Variants in MANEAL observed in about 807,000 individuals in gnomAD.
MANEAL encodes glycoprotein endo-alpha-1,2-mannosidase-like protein.
Under a neutral mutation model 35.9 loss-of-function variants are expected in MANEAL, and 28 were observed. That is an observed-to-expected ratio of 0.78 (90% CI 0.58 to 1.07). The LOEUF is 1.07. MANEAL is among the 50% of genes least tolerant of loss of function. MANEAL has a pLI of 0.00. For missense variants in MANEAL, 576 were observed against 629.6 expected (o/e 0.91, Z 0.91); for synonymous variants, 286 against 272.2 (o/e 1.05, Z -0.50).
chr1:37,798,949 GA>G (rs2148386740), intron 3 of MANEAL, among the ~76,000 whole-genome samples: 1 of 152,050 alleles, frequency 6.6e-6, no homozygotes, highest in East Asian at 1.9e-4. Context: ...TGAGGCAGGT[GA>G]ATCACTTGAA....
chr1:37,794,686 C>A lies in MANEAL; in HGVS notation c.504C>A (p.Pro168=). The A allele has an allele frequency of 6.2e-7, 1 of 1,606,660 alleles. No homozygotes were observed. Among genetic ancestry groups the A allele is most frequent in the Non-Finnish European group, 8.5e-7 (1 of 1,177,430 alleles). Residue 168 remains proline, a synonymous_variant, in exon 1 of 4, where the codon CCC becomes CCA. Coordinates refer to ENST00000373045, the MANE Select transcript of MANEAL (RefSeq NM_001113482.2). The surrounding 1 kb of genome is among the most constrained non-coding windows in gnomAD (Gnocchi z 5.7). ...PELGPYSSRD[P]EVLREHMTQL... ...TGGGGCCCTACAGCTCCCGGGACCCCGAAGTGCTGCGGGAGCATATGACCC... is the reference window on the plus strand; with the variant it reads ...TGGGGCCCTACAGCTCCCGGGACCCAGAAGTGCTGCGGGAGCATATGACCC...
In MANEAL at chr1:37,800,999, TA is replaced by T. The variant is rs1233820703; in HGVS notation, c.*797del. On this transcript the variant is annotated 3_prime_UTR_variant, in exon 4 of 4. Transcript: ENST00000373045. ...CAGAGCCTAATTTTTCCCAGATGCA[TA>T]TTTAGCTCTAGGGAGAGGACTAGGA... 6.6e-6 allele frequency: 1 copy of T among 152,652 alleles called. No homozygotes were observed. Among genetic ancestry groups the T allele is most frequent in the Non-Finnish European group, 1.5e-5 (1 of 68,042 alleles). 9.5% of individuals were successfully genotyped at this position (152,652 alleles called of 1,614,324 possible).
Position 37,794,596 on chromosome 1 carries a change from G to A in MANEAL, c.414G>A (p.Ser138=), listed in dbSNP as rs1472021058. The change falls in exon 1 of 4, where the codon TCG becomes TCA. Residue 138 remains serine (S), a synonymous_variant. Transcript: ENST00000373045. This position sits in a 1 kb window ranked among gnomAD's most constrained non-coding sequence, Gnocchi z 5.7. The stretch of plus-strand genomic sequence containing the variant: ...TGCCGCACTGGGACCCCAAGATCTC[G>A]GCCAGCTACCCCCGCGGCCGCCACA... ...VMVPHWDPKI[S]ASYPRGRHSP... is the part of the protein sequence containing the mutation. 13 of 1,611,484 alleles carry A rather than the reference G, an allele frequency of 8.1e-6. No homozygotes were observed. Among genetic ancestry groups the A allele is most frequent in the Non-Finnish European group, 1.1e-5 (13 of 1,179,600 alleles).
At chr1:37,795,700 T>G (rs916275838) in intron 1 of MANEAL, 37 bp from the exon 2 acceptor site, 3 of 1,613,566 alleles carry the variant, frequency 1.9e-6, no homozygotes, top group Non-Finnish European at 2.5e-6. Flanking sequence ...AGGGGGGTAC[T>G]GTGTGTCTCT....
Position 37,795,813 on chromosome 1 carries a change from C to T in MANEAL, c.627C>T (p.Ala209=), listed in dbSNP as rs758771152. The T allele has an allele frequency of 6.2e-7, 1 of 1,614,100 alleles. No homozygotes were observed. Among genetic ancestry groups the T allele is most frequent in the East Asian group, 2.2e-5 (1 of 44,866 alleles). ...AGCCCTCAGATGACCTGGTGCCCGC[C>T]ATTCTGGACACCGCCCATCAGTACA... ...NGEPSDDLVP[A]ILDTAHQYSI... The change falls in exon 2 of 4, where the codon GCC becomes GCT. Residue 209 remains alanine (A), a synonymous_variant. Transcript: ENST00000373045.
chr1:37,797,040 GTC>G lies in MANEAL; in HGVS notation c.737+222_737+223del, dbSNP rs1426004046. On this transcript the variant is annotated intron_variant, in intron 3 of 3. Coordinates refer to ENST00000373045, the MANE Select transcript of MANEAL (RefSeq NM_001113482.2). ...ATGAGGCAAGCCTCTTAACCTTTGA[GTC>G]TTGTGAGAATCACACGAATTAATAT... Among the ~76,000 whole-genome samples, 3 of 152,306 alleles carry G rather than the reference GTC, an allele frequency of 2.0e-5. No homozygotes were observed. In the East Asian group the frequency reaches 5.8e-4, roughly 29 times the overall value.
Position 37,794,081 on chromosome 1 carries a change from T to A in MANEAL, c.-102T>A. On this transcript the variant is annotated 5_prime_UTR_variant, in exon 1 of 4. Coordinates refer to ENST00000373045, the MANE Select transcript of MANEAL (RefSeq NM_001113482.2). The surrounding 1 kb of genome is among the most constrained non-coding windows in gnomAD (Gnocchi z 5.7). ...GCCGGGCGCCGCCCACGCCGCGCTC[T>A]GCCGGGCGCACAGTCTGCCTGGGAA... 14 of 809,288 alleles carry A rather than the reference T, an allele frequency of 1.7e-5. No individual in the cohort carries two copies. The highest frequency in any genetic ancestry group is 2.0e-5 in the Non-Finnish European group (13 of 656,242). 50.1% of individuals were successfully genotyped at this position (809,288 alleles called of 1,614,324 possible). A position where few individuals can be genotyped will look rare whatever the true frequency, so the allele number is the denominator to read the frequency against.
rs762626346 is a variant in MANEAL, at chr1:37,794,302, G to C, written c.120G>C (p.Pro40=). The C allele has an allele frequency of 5.0e-6, 6 of 1,199,502 alleles. No homozygotes were observed. Among genetic ancestry groups the C allele is most frequent in the South Asian group, 2.4e-5 (1 of 41,012 alleles). The allele number at this position is 1,199,502 out of a possible 1,614,324, so 74.3% of individuals were successfully genotyped here. A position where few individuals can be genotyped will look rare whatever the true frequency, so the allele number is the denominator to read the frequency against. ...KAPDGLPALG[P]GLELAPFERR... is the part of the protein sequence containing the mutation. ...CGGACGGACTCCCGGCGCTGGGCCC[G>C]GGCCTGGAGCTGGCGCCCTTTGAGC... The change falls in exon 1 of 4, where the codon CCG becomes CCC. Residue 40 remains proline, a synonymous_variant. Coordinates refer to ENST00000373045, the MANE Select transcript of MANEAL (RefSeq NM_001113482.2). This position sits in a 1 kb window ranked among gnomAD's most constrained non-coding sequence, Gnocchi z 5.7.
rs200718183 is a variant in MANEAL, at chr1:37,800,054, G to A, written c.1225G>A (p.Glu409Lys). Residue 409 changes from glutamate (E) to lysine (K), a missense_variant, in exon 4 of 4, where the codon GAG (glutamate) becomes AAG (lysine). Transcript: ENST00000373045. ...VSITSFNEWH[E>K]GTQIEKAIPK... ...CATTACCTCCTTCAATGAGTGGCAC[G>A]AGGGCACCCAGATTGAGAAGGCCAT... The A allele has an allele frequency of 2.0e-5, 33 of 1,614,186 alleles. No individual in the cohort carries two copies. Among genetic ancestry groups the A allele is most frequent in the Non-Finnish European group, 2.5e-5 (29 of 1,180,028 alleles).
Position 37,799,956 on chromosome 1 carries a change from G to A in MANEAL, c.1127G>A (p.Arg376His), listed in dbSNP as rs149320837. 9 of 1,614,058 alleles carry A rather than the reference G, an allele frequency of 5.6e-6. No individual in the cohort carries two copies. The highest frequency in any genetic ancestry group is 2.2e-5 in the East Asian group (1 of 44,894). ...SIRPWNNHNT[R>H]NRVNGKYYET... ...CGGCCCTGGAACAACCACAATACGC[G>A]CAACAGGGTCAATGGCAAGTACTAT... is the stretch of plus-strand genomic sequence containing the variant. Residue 376 changes from arginine (R) to histidine (H), a missense_variant, in exon 4 of 4, where the codon CGC becomes CAC. Transcript: ENST00000373045. The surrounding 1 kb of genome is among the most constrained non-coding windows in gnomAD (Gnocchi z 4.1).
Position 37,793,936 on chromosome 1 carries a change from A to T in MANEAL, c.-247A>T, listed in dbSNP as rs1259955971. 6.2e-6 allele frequency: 1 copy of T among 162,168 alleles called. No individual in the cohort carries two copies. Among genetic ancestry groups the T allele is most frequent in the Non-Finnish European group, 1.3e-5 (1 of 75,114 alleles). 10.0% of individuals were successfully genotyped at this position (162,168 alleles called of 1,614,324 possible). A position where few individuals can be genotyped will look rare whatever the true frequency, so the allele number is the denominator to read the frequency against. On this transcript the variant is annotated 5_prime_UTR_variant, in exon 1 of 4. Transcript: ENST00000373045. Reference sequence around the variant, plus strand: ...TCAGGCCCCTGCTCCTGTGGCCCCGAAACTCGCCGTTCGCTGGGCCTTGCG... The same window carrying T: ...TCAGGCCCCTGCTCCTGTGGCCCCGTAACTCGCCGTTCGCTGGGCCTTGCG...
chr1:37,797,768 T>C (rs903560742), intron 3 of MANEAL, among the ~76,000 whole-genome samples: 1 of 152,086 alleles, frequency 6.6e-6, no homozygotes, highest in African/African-American at 2.4e-5. Flanking sequence ...ATGGCACCAC[T>C]GTACTCCAGC....
rs773329923 is a variant in MANEAL, at chr1:37,796,775, G to A, written c.692G>A (p.Arg231Gln). 8.7e-6 allele frequency: 14 copies of A among 1,607,024 alleles called. No homozygotes were observed. The East Asian group carries it at 1.1e-4, about 13-fold the overall frequency. The change falls in exon 3 of 4, where the codon CGG becomes CAG. Residue 231 changes from arginine (R) to glutamine (Q), a missense_variant. By Grantham distance (43) the Arg-to-Gln change is conservative. Around this residue, in one of 3 missense-constraint regions of MANEAL, gnomAD observed 449 missense variants for 516.1 expected, o/e 0.87. Coordinates refer to ENST00000373045, the MANE Select transcript of MANEAL (RefSeq NM_001113482.2). ...TTCCACATCCAACCCTACAAGGGCC[G>A]GGATGACATCACTGTACATGACAAC... ...VAFHIQPYKG[R>Q]DDITVHDNIK...
In MANEAL at chr1:37,794,292, C is replaced by A; in HGVS notation, c.110C>A (p.Ala37Glu). Residue 37 changes from alanine (A) to glutamate (E), a missense_variant, in exon 1 of 4, where the codon GCG becomes GAG. Around this residue, in one of 3 missense-constraint regions of MANEAL, gnomAD observed 122 missense variants for 97.2 expected, o/e 1.26. Transcript: ENST00000373045. This position sits in a 1 kb window ranked among gnomAD's most constrained non-coding sequence, Gnocchi z 5.7. ...RTLKAPDGLP[A>E]LGPGLELAPF... ...CTCAAGGCTCCGGACGGACTCCCGG[C>A]GCTGGGCCCGGGCCTGGAGCTGGCG... 1 of 1,232,076 alleles carries A rather than the reference C, an allele frequency of 8.1e-7. No individual in the cohort carries two copies. The highest frequency in any genetic ancestry group is 1.0e-6 in the Non-Finnish European group (1 of 975,798). The allele number at this position is 1,232,076 out of a possible 1,614,324, so 76.3% of individuals were successfully genotyped here. A position where few individuals can be genotyped will look rare whatever the true frequency, so the allele number is the denominator to read the frequency against.
In MANEAL at chr1:37,800,055, A is replaced by G. The variant is rs1646683828; in HGVS notation, c.1226A>G (p.Glu409Gly). 6.2e-7 allele frequency: 1 copy of G among 1,614,018 alleles called. No homozygotes were observed. Among genetic ancestry groups the G allele is most frequent in the Admixed American group, 1.7e-5 (1 of 59,992 alleles). ...VSITSFNEWH[E>G]GTQIEKAIPK... ...ATTACCTCCTTCAATGAGTGGCACGAGGGCACCCAGATTGAGAAGGCCATT... is the reference window on the plus strand; with the variant it reads ...ATTACCTCCTTCAATGAGTGGCACGGGGGCACCCAGATTGAGAAGGCCATT... The change falls in exon 4 of 4, where the codon GAG becomes GGG. Residue 409 changes from glutamate to glycine, a missense_variant. Around this residue, in one of 3 missense-constraint regions of MANEAL, gnomAD observed 449 missense variants for 516.1 expected, o/e 0.87. Coordinates refer to ENST00000373045, the MANE Select transcript of MANEAL (RefSeq NM_001113482.2).
rs749639441 is a variant in MANEAL at position 37,799,891 on chromosome 1, C to T, written c.1062C>T (p.Phe354=). Residue 354 remains phenylalanine (F), a synonymous_variant, in exon 4 of 4, where the codon TTC becomes TTT. Coordinates refer to ENST00000373045, the MANE Select transcript of MANEAL (RefSeq NM_001113482.2). This position sits in a 1 kb window ranked among gnomAD's most constrained non-coding sequence, Gnocchi z 4.1. The part of the protein sequence containing the change: ...KNFCDANNLM[F]IPSVGPGYID... ...TTTGTGATGCCAACAACCTCATGTT[C>T]ATCCCCAGTGTGGGGCCTGGCTACA... 20 of 1,614,142 alleles carry T rather than the reference C, an allele frequency of 1.2e-5. No homozygotes were observed. Among genetic ancestry groups the T allele is most frequent in the Middle Eastern group, 1.6e-4 (1 of 6,084 alleles).
rs550657013 is a variant in MANEAL at position 37,799,912 on chromosome 1, C to T, written c.1083C>T (p.Gly361=). The change falls in exon 4 of 4, where the codon GGC becomes GGT. Residue 361 remains glycine (G), a synonymous_variant. Coordinates refer to ENST00000373045, the MANE Select transcript of MANEAL (RefSeq NM_001113482.2). The surrounding 1 kb of genome is among the most constrained non-coding windows in gnomAD (Gnocchi z 4.1). ...TGTTCATCCCCAGTGTGGGGCCTGG[C>T]TACATAGACACCAGCATTCGGCCCT... The part of the protein sequence containing the change: ...NLMFIPSVGP[G]YIDTSIRPWN... 152 of 1,614,236 alleles carry T rather than the reference C, an allele frequency of 9.4e-5. 4 individuals carry two copies. In the South Asian group the frequency reaches 1.6e-3, roughly 17 times the overall value.
rs1646631677 is a variant in MANEAL, at chr1:37,794,867, T to A, written c.550+135T>A. On this transcript the variant is annotated intron_variant, in intron 1 of 3. Transcript: ENST00000373045. This position sits in a 1 kb window ranked among gnomAD's most constrained non-coding sequence, Gnocchi z 5.7. The stretch of plus-strand genomic sequence containing the variant: ...CCAGCCTGGCTTCTTAGCTGTTCCC[T>A]CCCACTCTCATCCTGGGCCCACCAT... The A allele has an allele frequency of 4.8e-6, 3 of 621,542 alleles. No homozygotes were observed. The East Asian group carries it at 8.3e-5, about 17-fold the overall frequency. The allele number at this position is 621,542 out of a possible 1,614,324, so 38.5% of individuals were successfully genotyped here.
In MANEAL at chr1:37,794,207, T is replaced by C; in HGVS notation, c.25T>C (p.Cys9Arg). 7.7e-7 allele frequency: 1 copy of C among 1,301,050 alleles called. No homozygotes were observed. The allele number at this position is 1,301,050 out of a possible 1,614,324, so 80.6% of individuals were successfully genotyped here. A position where few individuals can be genotyped will look rare whatever the true frequency, so the allele number is the denominator to read the frequency against. The change falls in exon 1 of 4, where the codon TGC (cysteine) becomes CGC (arginine). Residue 9 changes from cysteine (C) to arginine (R), a missense_variant. Coordinates refer to ENST00000373045, the MANE Select transcript of MANEAL (RefSeq NM_001113482.2). The surrounding 1 kb of genome is among the most constrained non-coding windows in gnomAD (Gnocchi z 5.7). ...CATGGCCCGGCGGCGGCGCCGCGCC[T>C]GCATCGCTCTGTTCCTGGTGCTGCT... MARRRRRACIALFLVLLFA... is the reference protein window; with the variant it reads MARRRRRARIALFLVLLFA...
Sources: allele counts gnomAD v4.1 joint callset (sites outside exome capture counted in the v4.1 genomes callset), GRCh38; gene constraint gnomAD v4.1.1; regional missense constraint gnomAD v4.1.1; non-coding constraint Gnocchi (gnomAD v3.1); transcripts MANE v1.5; gene names NCBI Gene and HGNC (gene_info 2026-07-23, HGNC 2026-07-21).